CSF3R: variants seen among roughly 807,000 people sequenced by gnomAD.
CSF3R encodes granulocyte colony-stimulating factor receptor.
In CSF3R, 52 loss-of-function variants were observed where a neutral mutation model predicts 84.4. That is an observed-to-expected ratio of 0.62 (90% CI 0.49 to 0.78). The LOEUF is 0.78. Ranked by LOEUF, CSF3R falls within the 30% of genes least tolerant of loss-of-function variation. The pLI is 0.00. For synonymous variants in CSF3R, 384 were observed against 429.1 expected, an observed-to-expected ratio of 0.89 and a Z score of 1.30; for missense variants, 890 against 1,055.7, an observed-to-expected ratio of 0.84 and a Z score of 2.17.
At chr1:36,471,342 C>T (rs1330305187) in intron 10 of CSF3R, 91 bp downstream of exon 10, 26 of 1,309,258 alleles carry the variant, frequency 2.0e-5, no homozygotes, top group Middle Eastern at 2.2e-4. Context: ...CCACTGCGCC[C>T]GGCCAATAGG....
intron 10 of CSF3R, among the ~76,000 whole-genome samples, chr1:36,471,069 G>A (rs1650689562): frequency 6.6e-6 from 1 of 151,120 alleles, no homozygotes; most frequent in African/African-American, 2.4e-5. Context: ...TTTTTGAGAT[G>A]GAGTCTCCCT....
chr1:36,473,120 C>A (rs535568392), intron 6 of CSF3R: 92 of 421,892 alleles, frequency 2.2e-4, no homozygotes, highest in African/African-American at 1.8e-3. Flanking sequence ...TTGAATCTAA[C>A]ATTCTGAGGG....
At chr1:36,470,265 A>T (rs1017407316) in intron 10 of CSF3R, among the ~76,000 whole-genome samples, 15 of 151,870 alleles carry the variant, frequency 9.9e-5, no homozygotes, top group African/African-American at 3.4e-4. Flanking sequence ...GCTCATTGCA[A>T]CCTCCACCTC....
rs763022964 is a variant in CSF3R at position 36,468,134 on chromosome 1, C to T, written c.1664G>A (p.Gly555Glu). 1.2e-5 allele frequency: 19 copies of T among 1,613,992 alleles called. No individual in the cohort carries two copies. The highest frequency in any genetic ancestry group is 6.7e-5 in the Admixed American group (4 of 60,004). ...LEWVPEPPELGKSPLTHYTIF... is the reference protein window; with the variant it reads ...LEWVPEPPELEKSPLTHYTIF... Reference sequence around the variant, plus strand: ...GGTGTAGTGGGTAAGGGGGCTCTTCCCCAGCTCAGGGGGCTCAGGCACCCA... The same window carrying T: ...GGTGTAGTGGGTAAGGGGGCTCTTCTCCAGCTCAGGGGGCTCAGGCACCCA... Residue 555 changes from glycine to glutamate, a missense_variant, in exon 13 of 17, where the codon GGG becomes GAG. Gly to Glu is a moderately conservative substitution (Grantham distance 98). Transcript: ENST00000373106.
At chr1:36,470,832 A>C (rs1356023963) in intron 10 of CSF3R, among the ~76,000 whole-genome samples, 1 of 152,016 alleles carries the variant, frequency 6.6e-6, no homozygotes, top group Non-Finnish European at 1.5e-5. Flanking sequence ...TGAGAGAGAG[A>C]GCTTAACCTG....
intron 10 of CSF3R, 150 bp downstream of exon 10, chr1:36,471,283 A>G: frequency 1.2e-6 from 1 of 805,940 alleles, no homozygotes. Flanking sequence ...CTGACCTCGG[A>G]TGATCTGCCC....
At chr1:36,471,994 C>T in intron 9 of CSF3R, 72 bp downstream of exon 9, 1 of 1,490,636 alleles carries the variant, frequency 6.7e-7, no homozygotes, top group Non-Finnish European at 9.3e-7. Flanking sequence ...GAGTCCTAAG[C>T]CCCGGTTTGT....
Position 36,467,520 on chromosome 1 carries a change from G to T in CSF3R, c.1958+38C>A. On this transcript the variant is annotated intron_variant, in intron 15 of 16. Coordinates refer to ENST00000373106, the MANE Select transcript of CSF3R (RefSeq NM_000760.4). The surrounding 1 kb of genome is among the most constrained non-coding windows in gnomAD (Gnocchi z 4.1). ...TCTGGACCTGAGGTTCCCTGTGGGTGGGGGAAGCAGGATCTCAGGTCTCTC... is the reference window on the plus strand; with the variant it reads ...TCTGGACCTGAGGTTCCCTGTGGGTTGGGGAAGCAGGATCTCAGGTCTCTC... 1 of 1,587,710 alleles carries T rather than the reference G, an allele frequency of 6.3e-7. No individual in the cohort carries two copies. The highest frequency in any genetic ancestry group is 8.6e-7 in the Non-Finnish European group (1 of 1,156,920).
rs372288734 is a variant in CSF3R, at chr1:36,473,485, G to T, written c.623C>A (p.Ala208Glu). The T allele has an allele frequency of 1.2e-6, 2 of 1,613,944 alleles. No individual in the cohort carries two copies. The highest frequency in any genetic ancestry group is 2.2e-5 in the East Asian group (1 of 44,880). The change falls in exon 6 of 17, where the codon GCG (alanine) becomes GAG (glutamate). Residue 208 changes from alanine (A) to glutamate (E), a missense_variant. Physicochemically the swap from Ala to Glu is moderately radical, Grantham distance 107 (BLOSUM62 -1). Coordinates refer to ENST00000373106, the MANE Select transcript of CSF3R (RefSeq NM_000760.4). ...NMGIWVQAEN[A>E]LGTSMSPQLC... ...TTGTGGGGACATGCTGGTCCCCAGC[G>T]CATTCTCTGCCTGCACCCAGATGCC...
At chr1:36,471,204 C>G (rs1042969641) in intron 10 of CSF3R, among the ~76,000 whole-genome samples, 3 of 152,112 alleles carry the variant, frequency 2.0e-5, no homozygotes, top group Non-Finnish European at 4.4e-5. Flanking sequence ...CGCCACTATG[C>G]CTGGCTAATT....
chr1:36,479,136 G>C, intron 3 of CSF3R: 1 of 469,994 alleles, frequency 2.1e-6, no homozygotes, highest in South Asian at 2.0e-5. Flanking sequence ...CACCAAGGCT[G>C]CATAGGACCC....
At chr1:36,475,286 C>A in intron 4 of CSF3R, 91 bp downstream of exon 4, 2 of 1,505,738 alleles carry the variant, frequency 1.3e-6, no homozygotes, top group African/African-American at 2.7e-5. Flanking sequence ...GGAATACAGG[C>A]GTGAGCCAAC....
In CSF3R at chr1:36,466,728, T is replaced by C; in HGVS notation, c.2140A>G (p.Ser714Gly). 1 of 1,614,138 alleles carries C rather than the reference T, an allele frequency of 6.2e-7. No homozygotes were observed. Among genetic ancestry groups the C allele is most frequent in the Non-Finnish European group, 8.5e-7 (1 of 1,180,016 alleles). ...GTGGGGAGGCCACAGGTCTCTGAGC[T>C]GTTATGGGACTCCCAGGGCACCGGC... ...KKPVPWESHN[S>G]SETCGLPTLV... The change falls in exon 17 of 17, where the codon AGC becomes GGC. Residue 714 changes from serine to glycine, a missense_variant. Physicochemically the swap from Ser to Gly is moderately conservative, Grantham distance 56. Coordinates refer to ENST00000373106, the MANE Select transcript of CSF3R (RefSeq NM_000760.4). The surrounding 1 kb of genome is among the most constrained non-coding windows in gnomAD (Gnocchi z 4.6).
intron 11 of CSF3R, 94 bp from the exon 12 acceptor site, chr1:36,469,351 G>A: frequency 2.0e-6 from 2 of 985,852 alleles, no homozygotes; most frequent in Non-Finnish European, 3.2e-6. Context: ...GGGCTAACCT[G>A]GCCTCATGAT....
chr1:36,471,458 A>C lies in CSF3R; in HGVS notation c.1260T>G (p.Thr420=). Residue 420 remains threonine, a synonymous_variant, in exon 10 of 17, where the codon ACT becomes ACG. Transcript: ENST00000373106. ...CTCTGCTTTCTGAGAAGACCACCGG[A>C]GTGGGACGAGAGGTCCCGGCTGAGT... is the stretch of plus-strand genomic sequence containing the variant. ...AYNSAGTSRP[T]PVVFSESRGP... 6.2e-7 allele frequency: 1 copy of C among 1,613,812 alleles called. No individual in the cohort carries two copies. The highest frequency in any genetic ancestry group is 8.5e-7 in the Non-Finnish European group (1 of 1,179,864).
Position 36,468,150 on chromosome 1 carries a change from C to T in CSF3R, c.1648G>A (p.Glu550Lys), listed in dbSNP as rs1438427534. ...GGGCTCTTCCCCAGCTCAGGGGGCTCAGGCACCCACTCCAGCTGTGCCCAG... is the reference window on the plus strand; with the variant it reads ...GGGCTCTTCCCCAGCTCAGGGGGCTTAGGCACCCACTCCAGCTGTGCCCAG... The part of the protein sequence containing the change: ...KTWAQLEWVP[E>K]PPELGKSPLT... Residue 550 changes from glutamate to lysine, a missense_variant, in exon 13 of 17, where the codon GAG becomes AAG. Glu to Lys is a moderately conservative substitution (Grantham distance 56). Coordinates refer to ENST00000373106, the MANE Select transcript of CSF3R (RefSeq NM_000760.4). 6.2e-7 allele frequency: 1 copy of T among 1,613,676 alleles called. No individual in the cohort carries two copies. The highest frequency in any genetic ancestry group is 1.3e-5 in the African/African-American group (1 of 75,056).
At chr1:36,480,860 T>C (rs565870002) in intron 2 of CSF3R, among the ~76,000 whole-genome samples, 143 of 152,288 alleles carry the variant, frequency 9.4e-4, no homozygotes, top group Non-Finnish European at 1.2e-3. Context: ...AAGTCTCCTT[T>C]GTGCAAATCA....
rs774283797 is a variant in CSF3R at position 36,466,784 on chromosome 1, T to C, written c.2084A>G (p.Lys695Arg). The C allele has an allele frequency of 6.2e-7, 1 of 1,614,158 alleles. No homozygotes were observed. Among genetic ancestry groups the C allele is most frequent in the Non-Finnish European group, 8.5e-7 (1 of 1,180,016 alleles). The stretch of plus-strand genomic sequence containing the variant: ...TTCATCCTCCTCCAGCACTGTGAGC[T>C]TGGTGATGGGTGGCGTGCCAAGGCC... ...LPGLGTPPIT[K>R]LTVLEEDEKK... The change falls in exon 17 of 17, where the codon AAG becomes AGG. Residue 695 changes from lysine (K) to arginine (R), a missense_variant. Physicochemically the swap from Lys to Arg is conservative, Grantham distance 26 (BLOSUM62 2). Transcript: ENST00000373106. The surrounding 1 kb of genome is among the most constrained non-coding windows in gnomAD (Gnocchi z 4.6).
rs371016460 is a variant in CSF3R, at chr1:36,475,351, G to C, written c.361+26C>G. 3.0e-5 allele frequency: 48 copies of C among 1,612,848 alleles called. No homozygotes were observed. In the African/African-American group the frequency reaches 4.9e-4, roughly 17 times the overall value. On this transcript the variant is annotated intron_variant, in intron 4 of 16. Transcript: ENST00000373106. ...TTGGCAGGAGGGTGTTGGAGGCAGA[G>C]TAGTTGGATGGCTGGAAGGACTTAC...
Sources: gnomAD v4.1 joint callset for allele counts (sites outside exome capture counted in the v4.1 genomes callset) on GRCh38, gnomAD v4.1.1 for gene constraint, Gnocchi (gnomAD v3.1) non-coding constraint, MANE v1.5 for transcripts, NCBI Gene and HGNC (gene_info 2026-07-23, HGNC 2026-07-21) for gene names.